FRMD6: variants seen among roughly 807,000 people sequenced by gnomAD.
The protein encoded by FRMD6 is FERM domain containing 6.
A neutral mutation model predicts 73.2 loss-of-function variants in FRMD6; 37 were observed. The ratio of observed to expected loss-of-function variants is 0.51; its 90% CI spans 0.39 to 0.66. The LOEUF is 0.66. Ranked by LOEUF, FRMD6 falls within the 30% of genes least tolerant of loss-of-function variation. FRMD6 has a pLI of 0.00. For missense variants in FRMD6, 714 were observed against 780.5 expected (o/e 0.91, Z 1.02); for synonymous variants, 273 against 282.2 (o/e 0.97, Z 0.33).
At chr14:51,475,873 T>A in the FRMD6 span, among the ~76,000 whole-genome samples, 2 of 152,110 alleles carry the variant, frequency 1.3e-5, no homozygotes, top group African/African-American at 4.8e-5. Flanking sequence ...ACAGAGAATG[T>A]CTACTAACGT....
At chr14:51,718,645 G>C (rs1566594232) in intron 10 of FRMD6, among the ~76,000 whole-genome samples, 1 of 152,176 alleles carries the variant, frequency 6.6e-6, no homozygotes, top group Non-Finnish European at 1.5e-5. Context: ...CTGACAAGTT[G>C]TACATGGATG....
intron 2 of FRMD6, among the ~76,000 whole-genome samples, chr14:51,628,796 G>A (rs1891213807): frequency 3.0e-5 from 1 of 33,528 alleles, no homozygotes; most frequent in South Asian, 1.5e-3. Flanking sequence ...GCAAGACTCT[G>A]TCTCAAAAAA....
chr14:51,518,851 T>C (rs1251020172), intron 1 of FRMD6, among the ~76,000 whole-genome samples: 2 of 152,230 alleles, frequency 1.3e-5, no homozygotes, highest in African/African-American at 4.8e-5. Flanking sequence ...TGATTATAGC[T>C]GTCTTATTAT....
At chr14:51,597,902 G>T (rs779135829) in intron 2 of FRMD6, among the ~76,000 whole-genome samples, 1 of 152,144 alleles carries the variant, frequency 6.6e-6, no homozygotes, top group East Asian at 1.9e-4. Context: ...ATGACAGTTT[G>T]GAGAAGTGTG....
intron 1 of FRMD6, among the ~76,000 whole-genome samples, chr14:51,560,737 G>C (rs1887436034): frequency 6.6e-6 from 1 of 152,148 alleles, no homozygotes; most frequent in Admixed American, 6.5e-5. Context: ...ACCTGCCTCA[G>C]ACTCCCAAAG....
At chr14:51,405,619 G>C in the FRMD6 span, among the ~76,000 whole-genome samples, 7 of 151,506 alleles carry the variant, frequency 4.6e-5, no homozygotes. Flanking sequence ...GTCTTCTTTT[G>C]AAATGTGTCA....
the FRMD6 span, among the ~76,000 whole-genome samples, chr14:51,431,645 A>G: frequency 1.3e-5 from 2 of 152,250 alleles, no homozygotes; most frequent in Non-Finnish European, 2.9e-5. Flanking sequence ...TAGAGCTGGT[A>G]ATACAAACAA....
the FRMD6 span, among the ~76,000 whole-genome samples, chr14:51,431,190 G>A: frequency 3.7e-4 from 56 of 152,248 alleles, no homozygotes; most frequent in South Asian, 6.0e-3. Flanking sequence ...AGGGGACTGT[G>A]TTTTTCTTAT....
At chr14:51,646,611 A>C (rs1363349076) in intron 2 of FRMD6, among the ~76,000 whole-genome samples, 1 of 150,060 alleles carries the variant, frequency 6.7e-6, no homozygotes, top group African/African-American at 2.4e-5. Context: ...CTGCAAAACT[A>C]CTCTGGAACC....
chr14:51,620,876 A>T (rs1890902482), intron 2 of FRMD6, among the ~76,000 whole-genome samples: 1 of 152,092 alleles, frequency 6.6e-6, no homozygotes, highest in Non-Finnish European at 1.5e-5. Context: ...CCAGCCTTAG[A>T]GTGCTAGGCA....
At chr14:51,600,488 A>G (rs1274807214) in intron 2 of FRMD6, among the ~76,000 whole-genome samples, 1 of 152,208 alleles carries the variant, frequency 6.6e-6, no homozygotes, top group Admixed American at 6.5e-5. Context: ...TTTAACACAC[A>G]CTGGCATTTG....
chr14:51,480,773 G>A, the FRMD6 span, among the ~76,000 whole-genome samples: 3 of 152,118 alleles, frequency 2.0e-5, no homozygotes, highest in Admixed American at 6.5e-5. Context: ...ATATTGTGAG[G>A]CTTAAGTGAG....
At chr14:51,502,009 C>T (rs182772535) in intron 1 of FRMD6, among the ~76,000 whole-genome samples, 51 of 152,230 alleles carry the variant, frequency 3.4e-4, no homozygotes, top group African/African-American at 1.2e-3. Context: ...ACTTGTTGGC[C>T]ACATGTATGT....
Position 51,503,919 on chromosome 14 carries a change from G to T in FRMD6, c.-210+14499G>T, listed in dbSNP as rs150150887. Among the ~76,000 whole-genome samples the T allele has an allele frequency of 7.8e-4, 118 of 151,816 alleles. 1 individual carries two copies. The East Asian group carries it at 0.021, about 26-fold the overall frequency. On this transcript the variant is annotated intron_variant, in intron 1 of 14. Transcript: ENST00000356218. ...TACCTCAATTTCAGAAATCATTATT[G>T]GTCTATTCAGGGATTCAATTTCTTC...
chr14:51,507,888 C>A (rs996965647), intron 1 of FRMD6, among the ~76,000 whole-genome samples: 5 of 152,168 alleles, frequency 3.3e-5, no homozygotes, highest in Non-Finnish European at 7.4e-5. Flanking sequence ...CTGGGCCAGG[C>A]AGGAAGTCAG....
chr14:51,619,634 G>C (rs941577568), intron 2 of FRMD6, among the ~76,000 whole-genome samples: 4 of 152,146 alleles, frequency 2.6e-5, no homozygotes, highest in African/African-American at 9.7e-5. Context: ...GAGCATAAAG[G>C]CTTTTTGCTA....
chr14:51,664,366 C>T (rs1893426990), intron 1 of FRMD6, among the ~76,000 whole-genome samples: 2 of 152,198 alleles, frequency 1.3e-5, no homozygotes, highest in Non-Finnish European at 2.9e-5. Flanking sequence ...AGAATTTTCT[C>T]TTCTGGGAAC....
chr14:51,598,648 G>C lies in FRMD6; in HGVS notation c.-147+28238G>C, dbSNP rs1214577586. 2.0e-5 allele frequency among the ~76,000 whole-genome samples: 3 copies of C among 152,158 alleles called. No individual in the cohort carries two copies. The East Asian group carries it at 5.8e-4, about 29-fold the overall frequency. ...CCCAGTGTTTAGCTCCCACTTATCA[G>C]TGAGAACATGTGGTATTTGGTTTTC... On this transcript the variant is annotated intron_variant, in intron 2 of 14. Coordinates refer to the FRMD6 transcript ENST00000356218.
the FRMD6 span, among the ~76,000 whole-genome samples, chr14:51,459,450 G>T: frequency 3.3e-5 from 5 of 152,100 alleles, no homozygotes; most frequent in African/African-American, 1.2e-4. Context: ...CTTTTGACTA[G>T]CACAGAGGTA....
Sources: gnomAD v4.1 joint callset for allele counts (sites outside exome capture counted in the v4.1 genomes callset) on GRCh38, gnomAD v4.1.1 for gene constraint, MANE v1.5 for transcripts, NCBI Gene and HGNC (gene_info 2026-07-23, HGNC 2026-07-21) for gene names.